The following C8orf34 variants were observed in gnomAD, a reference collection of about 807,000 sequenced individuals.
The protein encoded by C8orf34 is chromosome 8 open reading frame 34.
Under a neutral mutation model 68.3 loss-of-function variants are expected in C8orf34, and 65 were observed. The observed-to-expected ratio is 0.95, with a 90% CI of 0.78 to 1.17. The LOEUF (loss-of-function observed/expected upper bound fraction) is 1.17, where lower values mean the gene tolerates loss of function less well. Among genes scored for constraint, C8orf34 ranks in the 50% most tolerant of loss-of-function variants. The pLI is 0.00. For synonymous variants in C8orf34, 244 were observed against 241.2 expected (o/e 1.01, Z -0.11); for missense variants, 664 against 655.4 (o/e 1.01, Z -0.14).
chr8:68,589,274 T>G (rs1309582893), intron 7 of C8orf34, among the ~76,000 whole-genome samples: 1 of 152,198 alleles, frequency 6.6e-6, no homozygotes, highest in East Asian at 1.9e-4. Context: ...TCTTTCATAT[T>G]TCATTGTGTT....
Position 68,464,645 on chromosome 8 carries a change from G to A in C8orf34, c.608-4047G>A, listed in dbSNP as rs1334168621. 4.7e-3 allele frequency among the ~76,000 whole-genome samples: 714 copies of A among 152,020 alleles called. 4 individuals carry two copies. The highest frequency in any genetic ancestry group is 0.031 in the Middle Eastern group (9 of 294). Reference sequence around the variant, plus strand: ...GAACAGAGCCCTCAGAAATAACACTGCATATCTACAACTATCTGATCTTTG... The same window carrying A: ...GAACAGAGCCCTCAGAAATAACACTACATATCTACAACTATCTGATCTTTG... On this transcript the variant is annotated intron_variant, in intron 3 of 13. Coordinates refer to ENST00000518698, the MANE Select transcript of C8orf34 (RefSeq NM_052958.4).
chr8:68,535,652 G>C, intron 7 of C8orf34: 1 of 691,772 alleles, frequency 1.4e-6, no homozygotes, highest in South Asian at 6.6e-5. Context: ...TATATTTGTG[G>C]ATTTCTTTTC....
At chr8:68,605,725 G>A (rs1424571146) in intron 7 of C8orf34, among the ~76,000 whole-genome samples, 1 of 152,074 alleles carries the variant, frequency 6.6e-6, no homozygotes, top group African/African-American at 2.4e-5. Context: ...TGAGGAGGGA[G>A]GAATCAATCC....
At chr8:68,525,961 T>TTA in intron 6 of C8orf34, 1 of 256,702 alleles carries the variant, frequency 3.9e-6, no homozygotes, top group African/African-American at 2.5e-5. Context: ...TCTTTCTTTT[T>TTA]TTTTTTTTTT....
At chr8:68,625,428 AT>A in intron 7 of C8orf34, 1 of 526,580 alleles carries the variant, frequency 1.9e-6, no homozygotes, top group Non-Finnish European at 3.4e-6. Context: ...ATGAGATGTT[AT>A]TAAGGAAGAG....
At chr8:68,473,594 T>A (rs1185771745) in intron 4 of C8orf34, among the ~76,000 whole-genome samples, 1 of 152,180 alleles carries the variant, frequency 6.6e-6, no homozygotes. Context: ...AGTCTGCTCT[T>A]TGCTAGAAAA....
chr8:68,384,883 G>A (rs572892309), intron 1 of C8orf34, among the ~76,000 whole-genome samples: 1 of 152,304 alleles, frequency 6.6e-6, no homozygotes, highest in South Asian at 2.1e-4. Context: ...ACATGAGAGT[G>A]TAGAGTGATT....
rs146632658 is a variant in C8orf34 at position 68,510,220 on chromosome 8, G to A, written c.766-11579G>A. On this transcript the variant is annotated intron_variant, in intron 5 of 13. Transcript: ENST00000518698. ...TACCAAGGTGAAATTGCAGAACTGAGTCCTCCTCCTGCAAGGGAGAGGAAA... is the reference window on the plus strand; with the variant it reads ...TACCAAGGTGAAATTGCAGAACTGAATCCTCCTCCTGCAAGGGAGAGGAAA... Among the ~76,000 whole-genome samples the A allele has an allele frequency of 8.7e-4, 133 of 152,256 alleles. 2 individuals are homozygous for A. In the East Asian group the frequency reaches 0.015, roughly 17 times the overall value.
At chr8:68,558,695 G>A (rs1001825677) in intron 7 of C8orf34, among the ~76,000 whole-genome samples, 1 of 152,042 alleles carries the variant, frequency 6.6e-6, no homozygotes, top group Admixed American at 6.6e-5. Flanking sequence ...ATAAAAATGG[G>A]CTAATTATTT....
chr8:68,377,925 G>A (rs1282420881), intron 1 of C8orf34, among the ~76,000 whole-genome samples: 10 of 152,062 alleles, frequency 6.6e-5, no homozygotes, highest in Admixed American at 6.6e-4. Context: ...GTGCAAGCAG[G>A]GGAAATGCCA....
At chr8:68,757,406 G>C (rs1009942822) in intron 10 of C8orf34, among the ~76,000 whole-genome samples, 3 of 152,122 alleles carry the variant, frequency 2.0e-5, no homozygotes, top group African/African-American at 7.2e-5. Context: ...GAGGCGGGCG[G>C]ATCACCTGAG....
chr8:68,352,536 C>G (rs1806554880), intron 1 of C8orf34, among the ~76,000 whole-genome samples: 1 of 152,070 alleles, frequency 6.6e-6, no homozygotes, highest in Admixed American at 6.6e-5. Flanking sequence ...AGGCAGCCTC[C>G]ACTCCTGGCT....
chr8:68,522,413 A>G (rs2289832), intron 6 of C8orf34, among the ~76,000 whole-genome samples: 39,890 of 152,114 alleles, frequency 0.26, 8,551 homozygotes, highest in African/African-American at 0.6. Context: ...ACCATAAAGA[A>G]AGAGAAGCCT....
At chr8:68,688,586 A>G (rs578108828) in intron 8 of C8orf34, among the ~76,000 whole-genome samples, 1 of 152,264 alleles carries the variant, frequency 6.6e-6, no homozygotes, top group East Asian at 1.9e-4. Context: ...AACCAACCCA[A>G]ATGCTCGTTA....
intron 3 of C8orf34, among the ~76,000 whole-genome samples, chr8:68,461,174 T>C (rs1346557317): frequency 1.3e-5 from 2 of 152,168 alleles, no homozygotes; most frequent in African/African-American, 4.8e-5. Context: ...TGCGATCAAC[T>C]GGAAGAAAGC....
At chr8:68,798,468 A>T (rs937802127) in intron 12 of C8orf34, among the ~76,000 whole-genome samples, 1 of 152,030 alleles carries the variant, frequency 6.6e-6, no homozygotes, top group Non-Finnish European at 1.5e-5. Context: ...GCGTCTAAAA[A>T]GTTCAGGGCA....
chr8:68,524,324 G>A (rs1187244571), intron 6 of C8orf34, among the ~76,000 whole-genome samples: 1 of 152,054 alleles, frequency 6.6e-6, no homozygotes, highest in African/African-American at 2.4e-5. Context: ...TCTTTCCCTA[G>A]GTCCCCCAAA....
chr8:68,518,135 A>T (rs899271866), intron 5 of C8orf34, among the ~76,000 whole-genome samples: 1 of 152,162 alleles, frequency 6.6e-6, no homozygotes, highest in Non-Finnish European at 1.5e-5. Context: ...AAACCTCAGC[A>T]TCACCCAATA....
intron 1 of C8orf34, among the ~76,000 whole-genome samples, chr8:68,337,601 C>T (rs1037390099): frequency 6.6e-6 from 1 of 151,956 alleles, no homozygotes; most frequent in Admixed American, 6.6e-5. Flanking sequence ...TTGTATTGTT[C>T]CTATACTTTT....
Sources: allele counts gnomAD v4.1 joint callset (sites outside exome capture counted in the v4.1 genomes callset), GRCh38; gene constraint gnomAD v4.1.1; transcripts MANE v1.5; gene names NCBI Gene and HGNC (gene_info 2026-07-23, HGNC 2026-07-21).